SLC17A9: variants seen among roughly 807,000 people sequenced by gnomAD.
SLC17A9 encodes the protein solute carrier family 17 member 9.
In SLC17A9, 49 loss-of-function variants were observed where a neutral mutation model predicts 55.0. The observed-to-expected ratio is 0.89, with a 90% CI of 0.71 to 1.13. The LOEUF is 1.13. Ranked by LOEUF, SLC17A9 falls within the 50% of genes most tolerant of loss-of-function variation. The probability of loss-of-function intolerance (pLI) is 0.00; values close to 1 mark genes in which losing one functional copy is unlikely to be tolerated. For synonymous variants in SLC17A9, 256 were observed against 247.4 expected (o/e 1.03, Z -0.32); for missense variants, 526 against 569.3 (o/e 0.92, Z 0.77).
intron 12 of SLC17A9, chr20:62,966,988 C>T: frequency 1.7e-6 from 1 of 583,840 alleles, no homozygotes; most frequent in Middle Eastern, 4.5e-4. Context: ...AGCCCAGGGT[C>T]CCCGGGACAC....
In SLC17A9 at chr20:62,967,531, A is replaced by G; in HGVS notation, c.*31A>G. 1 of 1,603,538 alleles carries G rather than the reference A, an allele frequency of 6.2e-7. No individual in the cohort carries two copies. On this transcript the variant is annotated 3_prime_UTR_variant, in exon 13 of 13. Transcript: ENST00000370351. ...AACCCCACAGCCTCTCCAAGGACCC[A>G]GGCGCCAGCAGCCCCAGGACACAGG...
At chr20:62,956,655 C>G (rs905142477) in intron 1 of SLC17A9, 110 bp from the exon 2 acceptor site, 10 of 1,007,438 alleles carry the variant, frequency 9.9e-6, no homozygotes, top group Non-Finnish European at 1.4e-6. Context: ...TCAAAGCTGT[C>G]CCCATTCACA....
At chr20:62,957,909 G>A (rs975977210) in intron 3 of SLC17A9, among the ~76,000 whole-genome samples, 1 of 151,982 alleles carries the variant, frequency 6.6e-6, no homozygotes, top group African/African-American at 2.4e-5. Context: ...GCACCTGTGT[G>A]TGTGTGCGTG....
intron 1 of SLC17A9, chr20:62,953,284 G>A (rs765444645): frequency 3.4e-5 from 52 of 1,547,472 alleles, no homozygotes; most frequent in Middle Eastern, 1.7e-4. Context: ...TAGGGGGCAC[G>A]GGCTGGAGCC....
At chr20:62,966,791 A>T (rs1224295673) in intron 12 of SLC17A9, 59 bp downstream of exon 12, 4 of 1,578,906 alleles carry the variant, frequency 2.5e-6, no homozygotes, top group Non-Finnish European at 3.4e-6. Flanking sequence ...GAGGCCACCG[A>T]GGTGCTGCAG....
chr20:62,964,791 C>T (rs1386975106), intron 8 of SLC17A9, among the ~76,000 whole-genome samples: 2 of 152,226 alleles, frequency 1.3e-5, no homozygotes, highest in Non-Finnish European at 2.9e-5. Flanking sequence ...TTCCTAATTG[C>T]AAAAGGAATA....
rs760928924 is a variant in SLC17A9 at position 62,963,692 on chromosome 20, G to A, written c.822+12G>A. The A allele has an allele frequency of 1.4e-5, 22 of 1,572,598 alleles. 1 individual carries two copies. The highest frequency in any genetic ancestry group is 5.6e-5 in the Admixed American group (3 of 53,888). Reference sequence around the variant, plus strand: ...TCCCCGACGCCAAGGTGAGTCGGGGGCTCCCGCAGGGTGAAGGAGCGCCCA... The same window carrying A: ...TCCCCGACGCCAAGGTGAGTCGGGGACTCCCGCAGGGTGAAGGAGCGCCCA... On this transcript the variant is annotated intron_variant, in intron 7 of 12. Transcript: ENST00000370351.
At chr20:62,959,914 G>T (rs1466266942) in intron 3 of SLC17A9, among the ~76,000 whole-genome samples, 2 of 152,246 alleles carry the variant, frequency 1.3e-5, no homozygotes, top group East Asian at 3.8e-4. Flanking sequence ...GCTGCATGGG[G>T]TGGTAAGGTG....
intron 10 of SLC17A9, among the ~76,000 whole-genome samples, 158 bp downstream of exon 10, chr20:62,965,883 A>G (rs967636959): frequency 2.0e-5 from 3 of 152,262 alleles, no homozygotes; most frequent in African/African-American, 7.2e-5. Flanking sequence ...AAGACCCAGT[A>G]GTTCTTTAGG....
Position 62,957,441 on chromosome 20 carries a change from G to A in SLC17A9, c.258G>A (p.Arg86=). ...TQVVGGHLGD[R]IGGEKVILLS... ...TCACCTCCCTCTGTCTTCCCTCCAGGATTGGGGGTGAGAAGGTCATCCTGC... is the reference window on the plus strand; with the variant it reads ...TCACCTCCCTCTGTCTTCCCTCCAGAATTGGGGGTGAGAAGGTCATCCTGC... The change falls in exon 3 of 13, where the codon CGG becomes CGA. Residue 86 remains arginine, a splice_region_variant and synonymous_variant. Coordinates refer to ENST00000370351, the MANE Select transcript of SLC17A9 (RefSeq NM_022082.4). 6.3e-7 allele frequency: 1 copy of A among 1,582,640 alleles called. No homozygotes were observed. The highest frequency in any genetic ancestry group is 8.6e-7 in the Non-Finnish European group (1 of 1,165,868).
At position 62,969,088 on chromosome 20, in the gene SLC17A9, C is replaced by T. The variant is rs933007039; in HGVS notation, c.*1588C>T. ...GGGGTCTTGGGGCAGGAGGGGCTTCCAGAAGCCTGGCAGTTGCTGTCTGGA... is the reference window on the plus strand; with the variant it reads ...GGGGTCTTGGGGCAGGAGGGGCTTCTAGAAGCCTGGCAGTTGCTGTCTGGA... On this transcript the variant is annotated 3_prime_UTR_variant, in exon 13 of 13. Coordinates refer to ENST00000370351, the MANE Select transcript of SLC17A9 (RefSeq NM_022082.4). 6.6e-6 allele frequency: 1 copy of T among 152,212 alleles called. No individual in the cohort carries two copies. Among genetic ancestry groups the T allele is most frequent in the African/African-American group, 2.4e-5 (1 of 41,434 alleles). 9.4% of individuals were successfully genotyped at this position (152,212 alleles called of 1,614,324 possible). A position where few individuals can be genotyped will look rare whatever the true frequency, so the allele number is the denominator to read the frequency against.
At chr20:62,954,649 GC>G (rs1441354156) in intron 1 of SLC17A9, among the ~76,000 whole-genome samples, 1 of 152,198 alleles carries the variant, frequency 6.6e-6, no homozygotes, top group Non-Finnish European at 1.5e-5. Context: ...GACTGTCTGG[GC>G]CATCCTCTCC....
Position 62,962,965 on chromosome 20 carries a change from G to C in SLC17A9, c.628+211G>C. 1 of 727,170 alleles carries C rather than the reference G, an allele frequency of 1.4e-6. No individual in the cohort carries two copies. Among genetic ancestry groups the C allele is most frequent in the Non-Finnish European group, 2.2e-6 (1 of 455,128 alleles). 45.0% of individuals were successfully genotyped at this position (727,170 alleles called of 1,614,324 possible). A position where few individuals can be genotyped will look rare whatever the true frequency, so the allele number is the denominator to read the frequency against. Reference sequence around the variant, plus strand: ...TCTGGAAGGTTCCATCTAGGGCTAAGGCAGACACCCAGGAAGACCTGCTGG... The same window carrying C: ...TCTGGAAGGTTCCATCTAGGGCTAACGCAGACACCCAGGAAGACCTGCTGG... On this transcript the variant is annotated intron_variant, in intron 5 of 12. Coordinates refer to ENST00000370351, the MANE Select transcript of SLC17A9 (RefSeq NM_022082.4). This position sits in a 1 kb window ranked among gnomAD's most constrained non-coding sequence, Gnocchi z 5.5.
At chr20:62,965,765 C>G in intron 10 of SLC17A9, 40 bp downstream of exon 10, 1 of 1,586,726 alleles carries the variant, frequency 6.3e-7, no homozygotes, top group Non-Finnish European at 8.6e-7. Flanking sequence ...CGCCGTGCTG[C>G]CCGCACGGCC....
rs2065615091 is a variant in SLC17A9, at chr20:62,964,229, G to T, written c.824G>T (p.Gly275Val). ...FFEETFPDAK[G>V]WIFNVVPWLV... is the part of the protein sequence containing the mutation. ...CTAAGGCCAAACTCCCCCCTGCAGG[G>T]CTGGATCTTCAACGTGGTTCCTTGG... The change falls in exon 8 of 13, where the codon GGC (glycine) becomes GTC (valine). Residue 275 changes from glycine to valine, a missense_variant and splice_region_variant. Gly to Val is a moderately radical substitution (Grantham distance 109). Transcript: ENST00000370351. The T allele has an allele frequency of 6.8e-6, 11 of 1,614,058 alleles. No homozygotes were observed. Among genetic ancestry groups the T allele is most frequent in the Non-Finnish European group, 8.5e-6 (10 of 1,180,022 alleles).
intron 9 of SLC17A9, among the ~76,000 whole-genome samples, 178 bp from the exon 10 acceptor site, chr20:62,965,432 C>T (rs955028680): frequency 6.6e-6 from 1 of 152,240 alleles, no homozygotes; most frequent in Admixed American, 6.5e-5. Context: ...GGGGCTGATT[C>T]TTGCGGAGAC....
chr20:62,961,677 T>C (rs2065590204), intron 4 of SLC17A9, among the ~76,000 whole-genome samples: 1 of 152,148 alleles, frequency 6.6e-6, no homozygotes, highest in Non-Finnish European at 1.5e-5. Context: ...ACCAGATTCA[T>C]CAAGTAAAAA....
rs1223075944 is a variant in SLC17A9, at chr20:62,952,842, C to A, written c.12C>A (p.Pro4=). 6 of 1,532,786 alleles carry A rather than the reference C, an allele frequency of 3.9e-6. No homozygotes were observed. Among genetic ancestry groups the A allele is most frequent in the South Asian group, 1.2e-5 (1 of 83,446 alleles). 94.9% of individuals were successfully genotyped at this position (1,532,786 alleles called of 1,614,324 possible). A position where few individuals can be genotyped will look rare whatever the true frequency, so the allele number is the denominator to read the frequency against. ...GCACCCCAAGCCCGATGCAGCCACC[C>A]CCAGACGAGGCCCGCAGGGACATGG... The part of the protein sequence containing the change: MQP[P]PDEARRDMAG... The change falls in exon 1 of 13, where the codon CCC becomes CCA. Residue 4 remains proline, a synonymous_variant. Coordinates refer to ENST00000370351, the MANE Select transcript of SLC17A9 (RefSeq NM_022082.4).
Position 62,957,378 on chromosome 20 carries a change from G to A in SLC17A9, c.258-63G>A, listed in dbSNP as rs527438972. The A allele has an allele frequency of 1.4e-5, 22 of 1,521,772 alleles. No homozygotes were observed. In the East Asian group the frequency reaches 3.5e-4, roughly 24 times the overall value. 94.3% of individuals were successfully genotyped at this position (1,521,772 alleles called of 1,614,324 possible). A position where few individuals can be genotyped will look rare whatever the true frequency, so the allele number is the denominator to read the frequency against. On this transcript the variant is annotated intron_variant, in intron 2 of 12. Coordinates refer to ENST00000370351, the MANE Select transcript of SLC17A9 (RefSeq NM_022082.4). ...AGCACCCACTCAAGGGCTGCCCTGA[G>A]TCAGGGTGGTGCCCCTTGGTCCTGC...
Sources: allele counts gnomAD v4.1 joint callset (sites outside exome capture counted in the v4.1 genomes callset), GRCh38; gene constraint gnomAD v4.1.1; non-coding constraint Gnocchi (gnomAD v3.1); transcripts MANE v1.5; gene names NCBI Gene and HGNC (gene_info 2026-07-23, HGNC 2026-07-21).